Variants in ACSBG2 observed in about 807,000 individuals in gnomAD.
ACSBG2 encodes the protein acyl-CoA synthetase bubblegum family member 2, also known as long-chain-fatty-acid--CoA ligase ACSBG2.
A neutral mutation model predicts 74.7 loss-of-function variants in ACSBG2; 62 were observed. The ratio of observed to expected loss-of-function variants is 0.83; its 90% confidence interval spans 0.68 to 1.03. ACSBG2 has a LOEUF of 1.03. Ranked by LOEUF, ACSBG2 falls within the 50% of genes least tolerant of loss-of-function variation. The pLI, the probability that ACSBG2 is intolerant of heterozygous loss-of-function variation, is 0.00. For synonymous variants in ACSBG2, 309 were observed against 294.1 expected (o/e 1.05, Z -0.52); for missense variants, 730 against 817.6 (o/e 0.89, Z 1.31).
Position 6,147,539 on chromosome 19 carries a change from C to T in ACSBG2, c.161C>T (p.Pro54Leu). ...GPGHETPMTI[P>L]EFFRESVNRF... ...GGCCATGAGACCCCGATGACCATCCCTGAATTTTTTCGAGAGTCAGTCAAC... is the reference window on the plus strand; with the variant it reads ...GGCCATGAGACCCCGATGACCATCCTTGAATTTTTTCGAGAGTCAGTCAAC... The change falls in exon 3 of 15, where the codon CCT becomes CTT. Residue 54 changes from proline (P) to leucine (L), a missense_variant. Transcript: ENST00000588485. The T allele has an allele frequency of 6.2e-7, 1 of 1,614,192 alleles. No homozygotes were observed. The highest frequency in any genetic ancestry group is 8.5e-7 in the Non-Finnish European group (1 of 1,180,040).
chr19:6,186,547 G>A (rs572615257), intron 11 of ACSBG2, among the ~76,000 whole-genome samples: 21 of 151,958 alleles, frequency 1.4e-4, no homozygotes, highest in Non-Finnish European at 2.8e-4. Flanking sequence ...GGTTTAAATA[G>A]GTTTGAGGAA....
In ACSBG2 at chr19:6,152,512, G is replaced by A. The variant is rs1201482558; in HGVS notation, c.386+717G>A. On this transcript the variant is annotated intron_variant, in intron 4 of 14. Transcript: ENST00000588485. ...TCACCTTGTTAGCCAGGATGGTCTCGATCTCCTGACCTCATGATCCACCCG... is the reference window on the plus strand; with the variant it reads ...TCACCTTGTTAGCCAGGATGGTCTCAATCTCCTGACCTCATGATCCACCCG... 5.9e-5 allele frequency among the ~76,000 whole-genome samples: 2 copies of A among 33,866 alleles called. 1 individual carries two copies. Among genetic ancestry groups the A allele is most frequent in the Non-Finnish European group, 1.8e-4 (2 of 11,138 alleles). 22.2% of individuals were successfully genotyped at this position (33,866 alleles called of 152,430 possible).
intron 7 of ACSBG2, among the ~76,000 whole-genome samples, chr19:6,170,263 C>T (rs2089928913): frequency 6.6e-6 from 1 of 151,942 alleles, no homozygotes; most frequent in Admixed American, 6.6e-5. Context: ...TCCTTGATGC[C>T]TAGTTTGTTG....
At chr19:6,172,396 T>C (rs1341299661) in intron 7 of ACSBG2, among the ~76,000 whole-genome samples, 1 of 152,158 alleles carries the variant, frequency 6.6e-6, no homozygotes, top group African/African-American at 2.4e-5. Context: ...GGTATGGCTG[T>C]GGTGTATGTT....
chr19:6,146,814 G>C (rs987744175), intron 2 of ACSBG2, among the ~76,000 whole-genome samples: 2 of 140,874 alleles, frequency 1.4e-5, no homozygotes, highest in Admixed American at 7.1e-5. Context: ...AAATAAGATG[G>C]GGCCAGGTGC....
In ACSBG2 at chr19:6,184,832, GAAAAAAAAAAAAAAAAA is replaced by G. The variant is rs371866289; in HGVS notation, c.1323-580_1323-564del. On this transcript the variant is annotated intron_variant, in intron 10 of 14. Coordinates refer to ENST00000588485, the MANE Select transcript of ACSBG2 (RefSeq NM_030924.5). ...TTTCTTTGCCGGCATATGTGGAGAT[GAAAAAAAAAAAAAAAAA>G]AAAAAAAAAAAAAAAAAAAAAAACG... Among the ~76,000 whole-genome samples the G allele has an allele frequency of 4.8e-3, 65 of 13,526 alleles. 1 individual carries two copies. Among genetic ancestry groups the G allele is most frequent in the East Asian group, 0.044 (10 of 228 alleles). 8.9% of individuals were successfully genotyped at this position (13,526 alleles called of 152,430 possible). A position where few individuals can be genotyped will look rare whatever the true frequency, so the allele number is the denominator to read the frequency against.
intron 7 of ACSBG2, 132 bp downstream of exon 7, chr19:6,166,147 C>A: frequency 8.7e-7 from 1 of 1,147,186 alleles, no homozygotes; most frequent in Non-Finnish European, 1.2e-6. Context: ...TAGAGAGTAG[C>A]GTAGTTGCTT....
intron 2 of ACSBG2, among the ~76,000 whole-genome samples, chr19:6,145,420 A>G (rs1287069198): frequency 9.8e-6 from 1 of 101,952 alleles, no homozygotes; most frequent in Non-Finnish European, 1.9e-5. Flanking sequence ...ATAGAGCAAG[A>G]CTCCATCTCA....
chr19:6,165,851 C>G lies in ACSBG2; in HGVS notation c.589-15C>G. 1.2e-6 allele frequency: 2 copies of G among 1,613,716 alleles called. No homozygotes were observed. Among genetic ancestry groups the G allele is most frequent in the Non-Finnish European group, 1.7e-6 (2 of 1,179,756 alleles). ...GACTGCCTTCTCATCCTCCGCTTGT[C>G]TTTTCTGTCCACAGTGGGATGATTT... On this transcript the variant is annotated splice_polypyrimidine_tract_variant and intron_variant, in intron 6 of 14. Transcript: ENST00000588485.
chr19:6,149,992 C>T (rs954920288), intron 3 of ACSBG2, among the ~76,000 whole-genome samples: 1 of 151,626 alleles, frequency 6.6e-6, no homozygotes, highest in African/African-American at 2.4e-5. Flanking sequence ...CCCAGCTACT[C>T]GGGAGGGTGA....
chr19:6,141,639 A>G (rs1405308896), intron 2 of ACSBG2, 29 bp downstream of exon 2: 4 of 1,365,100 alleles, frequency 2.9e-6, no homozygotes, highest in Non-Finnish European at 4.2e-6. Flanking sequence ...TACGTGGGAG[A>G]GAGAGTGGCA....
chr19:6,177,974 A>C (rs1404560575), intron 8 of ACSBG2, among the ~76,000 whole-genome samples: 2 of 151,876 alleles, frequency 1.3e-5, no homozygotes, highest in Admixed American at 1.3e-4. Flanking sequence ...TTTGGCAGCA[A>C]AGTCTGATCT....
At chr19:6,184,753 C>T (rs2090349866) in intron 10 of ACSBG2, among the ~76,000 whole-genome samples, 1 of 139,578 alleles carries the variant, frequency 7.2e-6, no homozygotes, top group Non-Finnish European at 1.5e-5. Context: ...GAGAGGTCTA[C>T]CTGTTTTCTT....
chr19:6,177,875 AGTGTGT>A (rs3036311), intron 8 of ACSBG2, among the ~76,000 whole-genome samples: 58,106 of 143,368 alleles, frequency 0.41, 12,253 homozygotes, highest in Admixed American at 0.55. Context: ...GAAAGTAAAG[AGTGTGT>A]GTGTGTGTGT....
rs2089613681 is a variant in ACSBG2 at position 6,161,460 on chromosome 19, G to A, written c.588+165G>A. On this transcript the variant is annotated intron_variant, in intron 6 of 14. Coordinates refer to ENST00000588485, the MANE Select transcript of ACSBG2 (RefSeq NM_030924.5). ...ACTCTCAAAGGAAGTGAAAGGTGAG[G>A]AAAGGAAGTGGGTGGGGCCTTGTGA... 8.4e-6 allele frequency: 5 copies of A among 593,836 alleles called. No individual in the cohort carries two copies. In the Admixed American group the frequency reaches 1.5e-4, roughly 18 times the overall value. 36.8% of individuals were successfully genotyped at this position (593,836 alleles called of 1,614,324 possible). A position where few individuals can be genotyped will look rare whatever the true frequency, so the allele number is the denominator to read the frequency against.
At chr19:6,162,083 T>C (rs943571090) in intron 6 of ACSBG2, among the ~76,000 whole-genome samples, 31 of 151,502 alleles carry the variant, frequency 2.0e-4, no homozygotes, top group African/African-American at 7.0e-4. Context: ...CTGGTCAACA[T>C]GGTGAAACAC....
At chr19:6,169,045 T>G (rs2089894167) in intron 7 of ACSBG2, among the ~76,000 whole-genome samples, 1 of 152,152 alleles carries the variant, frequency 6.6e-6, no homozygotes, top group South Asian at 2.1e-4. Context: ...TCCCAAAGTG[T>G]TGGAATTACA....
rs547508191 is a variant in ACSBG2, at chr19:6,180,929, G to A, written c.907-1822G>A. ...AAGAAAAGTAAAAGCCAGGCACGGC[G>A]GCTCACGCCTGTAATCCCAGTACTT... On this transcript the variant is annotated intron_variant, in intron 8 of 14. Coordinates refer to ENST00000588485, the MANE Select transcript of ACSBG2 (RefSeq NM_030924.5). The surrounding 1 kb of genome is among the most constrained non-coding windows in gnomAD (Gnocchi z 4.3). Among the ~76,000 whole-genome samples the A allele has an allele frequency of 4.6e-5, 7 of 151,976 alleles. No individual in the cohort carries two copies. The highest frequency in any genetic ancestry group is 1.2e-4 in the African/African-American group (5 of 41,472).
intron 10 of ACSBG2, among the ~76,000 whole-genome samples, chr19:6,185,019 C>T (rs536574765): frequency 6.6e-6 from 1 of 152,042 alleles, no homozygotes; most frequent in East Asian, 1.9e-4. Context: ...ACCTCCTGGG[C>T]TCAGGTGATT....
Sources: gnomAD v4.1 joint callset for allele counts (sites outside exome capture counted in the v4.1 genomes callset) on GRCh38, gnomAD v4.1.1 for gene constraint, Gnocchi (gnomAD v3.1) non-coding constraint, MANE v1.5 for transcripts, NCBI Gene and HGNC (gene_info 2026-07-23, HGNC 2026-07-21) for gene names.